The following ACOXL variants were observed in gnomAD, a reference collection of about 807,000 sequenced individuals.
ACOXL encodes the protein acyl-CoA oxidase like, also known as acyl-coenzyme A oxidase-like protein.
Under a neutral mutation model 71.9 loss-of-function variants are expected in ACOXL, and 70 were observed. The ratio of observed to expected loss-of-function variants is 0.97; its 90% CI spans 0.80 to 1.19. The LOEUF is 1.19. ACOXL is among the 50% of genes most tolerant of loss of function. ACOXL has a pLI of 0.00. For missense variants in ACOXL, 703 were observed against 736.3 expected (o/e 0.95, Z 0.52); for synonymous variants, 253 against 281.6 (o/e 0.90, Z 1.02).
intron 9 of ACOXL, among the ~76,000 whole-genome samples, chr2:110,816,213 ATGAT>A (rs1296269168): frequency 5.3e-5 from 8 of 151,414 alleles, no homozygotes; most frequent in Middle Eastern, 3.4e-3. Flanking sequence ...AGATGGATAA[ATGAT>A]GGATGGATGG....
intron 10 of ACOXL, among the ~76,000 whole-genome samples, chr2:110,863,542 T>C (rs958162924): frequency 2.6e-5 from 4 of 151,976 alleles, no homozygotes; most frequent in Non-Finnish European, 5.9e-5. Flanking sequence ...GAAAAAAAAT[T>C]AAAAATAAGG....
intron 13 of ACOXL, among the ~76,000 whole-genome samples, chr2:110,988,971 G>A (rs1313097772): frequency 6.7e-6 from 1 of 148,496 alleles, no homozygotes; most frequent in African/African-American, 2.5e-5. Flanking sequence ...TATGTTTGTG[G>A]CTTGTCTTAT....
intron 2 of ACOXL, among the ~76,000 whole-genome samples, chr2:110,780,150 A>T (rs979928852): frequency 2.4e-4 from 36 of 152,240 alleles, no homozygotes; most frequent in African/African-American, 8.2e-4. Flanking sequence ...GCCCAATTTT[A>T]AAAATGTGGC....
chr2:110,933,836 A>G (rs1344930977), intron 12 of ACOXL, among the ~76,000 whole-genome samples, 194 bp downstream of exon 12: 2 of 152,234 alleles, frequency 1.3e-5, no homozygotes, highest in African/African-American at 4.8e-5. Flanking sequence ...CTGATAGAAT[A>G]CATGTTTGTA....
intron 10 of ACOXL, among the ~76,000 whole-genome samples, chr2:110,877,212 C>T (rs1039824892): frequency 2.0e-5 from 3 of 152,236 alleles, no homozygotes; most frequent in Admixed American, 6.5e-5. Flanking sequence ...GTCTTTGAGG[C>T]GGCACGCAGA....
rs79985005 is a variant in ACOXL, at chr2:110,941,902, G to C, written c.1059+8260G>C. ...GCATGAAAAGCACCAAAAGTAGTAA[G>C]CATACGGATAAATACATGATGTTTT... On this transcript the variant is annotated intron_variant, in intron 12 of 17. Coordinates refer to ENST00000439055, the MANE Select transcript of ACOXL (RefSeq NM_001142807.4). 9.5e-3 allele frequency among the ~76,000 whole-genome samples: 1,451 copies of C among 152,180 alleles called. 14 individuals carry two copies. The highest frequency in any genetic ancestry group is 0.051 in the Middle Eastern group (15 of 294).
chr2:110,939,826 G>A (rs1047775663), intron 12 of ACOXL, among the ~76,000 whole-genome samples: 3 of 152,154 alleles, frequency 2.0e-5, no homozygotes, highest in South Asian at 2.1e-4. Flanking sequence ...TAGTGTTTGC[G>A]TGTTTTATGT....
At chr2:110,845,327 C>A (rs1187012717) in intron 10 of ACOXL, among the ~76,000 whole-genome samples, 2 of 152,138 alleles carry the variant, frequency 1.3e-5, no homozygotes, top group African/African-American at 4.8e-5. Flanking sequence ...TCTTCTCATT[C>A]GTGAGGGAGG....
At chr2:111,110,303 C>T (rs185146534) in intron 17 of ACOXL, among the ~76,000 whole-genome samples, 1 of 152,262 alleles carries the variant, frequency 6.6e-6, no homozygotes, top group Non-Finnish European at 1.5e-5. Context: ...TCCACCCACC[C>T]CATCACACTA....
chr2:110,996,518 G>A (rs565614565), intron 14 of ACOXL, among the ~76,000 whole-genome samples: 5 of 152,216 alleles, frequency 3.3e-5, no homozygotes, highest in Non-Finnish European at 7.4e-5. Flanking sequence ...TAGTTTGAGG[G>A]ATCACTGTCC....
At chr2:110,960,549 A>G (rs1460802215) in intron 12 of ACOXL, among the ~76,000 whole-genome samples, 2 of 146,782 alleles carry the variant, frequency 1.4e-5, no homozygotes, top group African/African-American at 5.1e-5. Context: ...TATCCCGCCA[A>G]CTCCTCCCTC....
At chr2:110,783,710 C>T (rs990240003) in intron 2 of ACOXL, among the ~76,000 whole-genome samples, 4 of 152,142 alleles carry the variant, frequency 2.6e-5, no homozygotes, top group East Asian at 1.9e-4. Flanking sequence ...CACACAGGCA[C>T]ATGCACACAC....
intron 16 of ACOXL, among the ~76,000 whole-genome samples, chr2:111,050,556 G>A (rs1195806714): frequency 3.3e-5 from 5 of 152,114 alleles, no homozygotes; most frequent in African/African-American, 4.8e-5. Context: ...TCTGCTCACC[G>A]GCCTTTGGTC....
chr2:110,793,376 A>G lies in ACOXL; in HGVS notation c.160-274A>G, dbSNP rs113355966. Among the ~76,000 whole-genome samples, 247 of 152,344 alleles carry G rather than the reference A, an allele frequency of 1.6e-3. 2 individuals are homozygous for G. The highest frequency in any genetic ancestry group is 5.6e-3 in the African/African-American group (233 of 41,576). On this transcript the variant is annotated intron_variant, in intron 3 of 17. Transcript: ENST00000439055. ...AGAGGACAAAGCAGAATGAGCTTTC[A>G]GAGCATTCATTTGTTGGGGGGATCT... is the stretch of plus-strand genomic sequence containing the variant.
At chr2:110,747,822 T>G (rs1158616207) in intron 1 of ACOXL, among the ~76,000 whole-genome samples, 1 of 152,200 alleles carries the variant, frequency 6.6e-6, no homozygotes, top group Non-Finnish European at 1.5e-5. Context: ...CATGTGGTCC[T>G]GTTTCTCCCT....
intron 10 of ACOXL, among the ~76,000 whole-genome samples, chr2:110,890,995 A>G (rs1259188815): frequency 6.6e-6 from 1 of 151,920 alleles, no homozygotes; most frequent in Non-Finnish European, 1.5e-5. Flanking sequence ...CAAGTGTTAT[A>G]TTTCTTTTGT....
chr2:110,930,356 A>G (rs1430829967), intron 11 of ACOXL, among the ~76,000 whole-genome samples: 1 of 152,238 alleles, frequency 6.6e-6, no homozygotes, highest in Non-Finnish European at 1.5e-5. Flanking sequence ...CCCATTTGGA[A>G]CAGCTGTATT....
intron 11 of ACOXL, 117 bp downstream of exon 11, chr2:110,909,022 GT>G (rs2059558978): frequency 1.3e-6 from 1 of 780,044 alleles, no homozygotes; most frequent in African/African-American, 1.8e-5. Context: ...GAAAGAGTCT[GT>G]TGTTAAAATC....
intron 12 of ACOXL, among the ~76,000 whole-genome samples, chr2:110,962,513 A>T (rs2061738625): frequency 6.6e-6 from 1 of 152,184 alleles, no homozygotes; most frequent in African/African-American, 2.4e-5. Flanking sequence ...ATTGATGGAG[A>T]TGAGGGAAAG....
Sources: allele counts gnomAD v4.1 joint callset (sites outside exome capture counted in the v4.1 genomes callset), GRCh38; gene constraint gnomAD v4.1.1; transcripts MANE v1.5; gene names NCBI Gene and HGNC (gene_info 2026-07-23, HGNC 2026-07-21).